Variants in ZNF536 observed in about 807,000 individuals in gnomAD.
ZNF536 encodes zinc finger protein 536.
ZNF536 carries 13 observed loss-of-function variants against 84.5 expected under a neutral mutation model. The ratio of observed to expected loss-of-function variants is 0.15; its 90% CI spans 0.10 to 0.24. The LOEUF is 0.24. Among genes scored for constraint, ZNF536 ranks in the 10% least tolerant of loss-of-function variants. The pLI is 1.00. For missense variants in ZNF536, 1,536 were observed against 1,747.5 expected (o/e 0.88, Z 2.16); for synonymous variants, 811 against 742.5 (o/e 1.09, Z -1.50).
At chr19:30,281,709 G>A (rs975700904) in intron 1 of ZNF536, among the ~76,000 whole-genome samples, 1 of 152,178 alleles carries the variant, frequency 6.6e-6, no homozygotes, top group Non-Finnish European at 1.5e-5. Flanking sequence ...ACAGCGAGTG[G>A]AATTTCAAGC....
intron 2 of ZNF536, among the ~76,000 whole-genome samples, chr19:30,484,390 C>CTT (rs375461433): frequency 0.012 from 1,363 of 117,384 alleles, 33 homozygotes; most frequent in African/African-American, 0.032. Context: ...TCATGCCCAG[C>CTT]TTTTTTTTTT....
chr19:30,316,230 T>A (rs556575280), intron 2 of ZNF536, among the ~76,000 whole-genome samples: 20 of 152,342 alleles, frequency 1.3e-4, no homozygotes. Flanking sequence ...GTACATTGTA[T>A]ACATGTCTAC....
chr19:30,459,554 T>G (rs546530078), intron 2 of ZNF536, among the ~76,000 whole-genome samples: 62 of 152,198 alleles, frequency 4.1e-4, no homozygotes, highest in African/African-American at 1.5e-3. Context: ...TTTCACCATA[T>G]TGGCCAGGCT....
At chr19:30,470,020 G>T (rs892082030) in intron 2 of ZNF536, among the ~76,000 whole-genome samples, 1 of 152,240 alleles carries the variant, frequency 6.6e-6, no homozygotes, top group African/African-American at 2.4e-5. Context: ...CAAAGTGTAC[G>T]AGTTAGAGTC....
At chr19:30,705,340 T>C (rs189031070) in intron 1 of ZNF536, among the ~76,000 whole-genome samples, 2 of 152,216 alleles carry the variant, frequency 1.3e-5, no homozygotes, top group Non-Finnish European at 1.5e-5. Flanking sequence ...TGTGTGTCTA[T>C]AAACAATATT....
intron 2 of ZNF536, among the ~76,000 whole-genome samples, chr19:30,462,026 G>A (rs1036905758): frequency 1.3e-5 from 2 of 152,236 alleles, no homozygotes; most frequent in Admixed American, 1.3e-4. Flanking sequence ...GGTCAGGGCA[G>A]TCCATGGGGT....
intron 1 of ZNF536, among the ~76,000 whole-genome samples, chr19:30,232,552 C>A (rs1448143203): frequency 6.6e-6 from 1 of 152,088 alleles, no homozygotes; most frequent in African/African-American, 2.4e-5. Flanking sequence ...TCTGTTCCTG[C>A]GTTAATTCGC....
At chr19:30,693,682 T>C (rs1349990946) in intron 1 of ZNF536, among the ~76,000 whole-genome samples, 4 of 152,218 alleles carry the variant, frequency 2.6e-5, no homozygotes, top group Admixed American at 6.5e-5. Context: ...GGGCTGAGCA[T>C]TGAAAAGTTT....
intron 2 of ZNF536, among the ~76,000 whole-genome samples, chr19:30,350,880 TACAC>T (rs2047909147): frequency 6.6e-6 from 1 of 152,232 alleles, no homozygotes; most frequent in Non-Finnish European, 1.5e-5. Flanking sequence ...TAGCAGGCTA[TACAC>T]ACAATGGTGC....
intron 2 of ZNF536, among the ~76,000 whole-genome samples, chr19:30,305,956 A>T (rs2046330065): frequency 6.6e-6 from 1 of 152,234 alleles, no homozygotes; most frequent in Non-Finnish European, 1.5e-5. Context: ...TTGATCTGAC[A>T]GAGGGTCACA....
intron 1 of ZNF536, among the ~76,000 whole-genome samples, chr19:30,266,948 G>A (rs1364597843): frequency 1.3e-5 from 2 of 152,224 alleles, no homozygotes; most frequent in African/African-American, 2.4e-5. Context: ...TTATAGAGGT[G>A]CAAATATGCA....
At chr19:30,552,663 G>A (rs2045825029) in intron 4 of ZNF536, among the ~76,000 whole-genome samples, 10 of 152,106 alleles carry the variant, frequency 6.6e-5, no homozygotes, top group Admixed American at 6.5e-4. Flanking sequence ...AAATTCCTTG[G>A]TGCCATAGAG....
intron 1 of ZNF536, among the ~76,000 whole-genome samples, chr19:30,685,154 G>C (rs2147857229): frequency 6.6e-6 from 1 of 152,316 alleles, no homozygotes; most frequent in Middle Eastern, 3.4e-3. Flanking sequence ...GAAGAATTGG[G>C]TAAAACACCA....
At chr19:30,331,611 G>A (rs2047214518) in intron 2 of ZNF536, among the ~76,000 whole-genome samples, 1 of 152,128 alleles carries the variant, frequency 6.6e-6, no homozygotes, top group Non-Finnish European at 1.5e-5. Flanking sequence ...TTGCTTCCTT[G>A]ACCTTCTCAG....
chr19:30,551,948 G>T (rs2045801009), intron 4 of ZNF536, among the ~76,000 whole-genome samples: 1 of 152,000 alleles, frequency 6.6e-6, no homozygotes, highest in Non-Finnish European at 1.5e-5. Flanking sequence ...TTTTCTTGCG[G>T]GCTACTGTGA....
chr19:30,712,091 T>TTA (rs2052470832), exon 2 of ZNF536: 1 of 152,176 alleles, frequency 6.6e-6, no homozygotes, highest in Non-Finnish European at 1.5e-5. Flanking sequence ...CTATCTCTAA[T>TTA]GACGAAAACT....
intron 2 of ZNF536, among the ~76,000 whole-genome samples, chr19:30,497,853 A>G (rs538639779): frequency 7.6e-4 from 116 of 152,154 alleles, no homozygotes; most frequent in Non-Finnish European, 1.3e-3. Context: ...CCCAAGCAGG[A>G]CCAGATTCCA....
chr19:30,332,433 C>T (rs747786468), intron 2 of ZNF536, among the ~76,000 whole-genome samples: 13 of 152,204 alleles, frequency 8.5e-5, no homozygotes, highest in East Asian at 1.9e-4. Flanking sequence ...CCTCAGTGGG[C>T]GTCCAGGCAT....
chr19:30,549,530 C>T lies in ZNF536; in HGVS notation c.3895+16C>T, dbSNP rs2146260861. 1.3e-6 allele frequency: 2 copies of T among 1,501,296 alleles called. No individual in the cohort carries two copies. The highest frequency in any genetic ancestry group is 1.8e-6 in the Non-Finnish European group (2 of 1,126,014). The allele number at this position is 1,501,296 out of a possible 1,614,324, so 93.0% of individuals were successfully genotyped here. A position where few individuals can be genotyped will look rare whatever the true frequency, so the allele number is the denominator to read the frequency against. The stretch of plus-strand genomic sequence containing the variant: ...GACTTGTGTGGTAAGTTTTAGAATC[C>T]TCTTCCTATAGTTCATTTCCCAAAA... On this transcript the variant is annotated intron_variant, in intron 4 of 4. Transcript: ENST00000355537.
Sources: allele counts gnomAD v4.1 joint callset (sites outside exome capture counted in the v4.1 genomes callset), GRCh38; gene constraint gnomAD v4.1.1; transcripts MANE v1.5; gene names NCBI Gene and HGNC (gene_info 2026-07-23, HGNC 2026-07-21).